The following GAK variants were observed in gnomAD, a reference collection of about 807,000 sequenced individuals.
The protein encoded by GAK is cyclin-G-associated kinase.
GAK carries 79 observed loss-of-function variants against 143.9 expected under a neutral mutation model. The observed-to-expected ratio is 0.55, with a 90% CI of 0.46 to 0.66. The LOEUF is 0.66. Among genes scored for constraint, GAK ranks in the 30% least tolerant of loss-of-function variants. The pLI is 0.00. For missense variants in GAK, 1,693 were observed against 1,779.7 expected, an observed-to-expected ratio of 0.95 and a Z score of 0.88; for synonymous variants, 881 against 765.5, an observed-to-expected ratio of 1.15 and a Z score of -2.49.
At position 874,929 on chromosome 4, in the gene GAK, CAG is replaced by C. The variant is rs201232570; in HGVS notation, c.2054+1599_2054+1600del. 1.6e-4 allele frequency among the ~76,000 whole-genome samples: 25 copies of C among 152,320 alleles called. No individual in the cohort carries two copies. In the East Asian group the frequency reaches 4.6e-3, roughly 28 times the overall value. ...TGTCAGAAGATCTTTTCTACCAATT[CAG>C]AGTCTGTTCTGCTGTGCCTATTCCA... is the stretch of plus-strand genomic sequence containing the variant. On this transcript the variant is annotated intron_variant, in intron 18 of 27. Coordinates refer to ENST00000314167, the MANE Select transcript of GAK (RefSeq NM_005255.4).
chr4:928,924 C>G (rs1016385587), intron 1 of GAK, among the ~76,000 whole-genome samples: 1 of 152,180 alleles, frequency 6.6e-6, no homozygotes, highest in Middle Eastern at 3.4e-3. Context: ...TCACCACACC[C>G]GGCTAATTTT....
intron 24 of GAK, 46 bp from the exon 25 acceptor site, chr4:852,020 G>A: frequency 1.4e-6 from 2 of 1,466,644 alleles, no homozygotes; most frequent in African/African-American, 1.4e-5. Flanking sequence ...TGTCCATGAG[G>A]GGCAACTACT....
chr4:877,931 GCTC>G (rs1170121166), intron 15 of GAK, 122 bp from the exon 16 acceptor site: 2 of 728,988 alleles, frequency 2.7e-6, no homozygotes, highest in South Asian at 2.1e-5. Context: ...TGTTTTAGTT[GCTC>G]CTAACAAATC....
intron 17 of GAK, among the ~76,000 whole-genome samples, 159 bp from the exon 18 acceptor site, chr4:876,768 G>C (rs1259265047): frequency 2.0e-5 from 3 of 152,232 alleles, no homozygotes; most frequent in Non-Finnish European, 4.4e-5. Context: ...AGCGGGAGAG[G>C]GTCTGTGTGT....
At chr4:865,070 C>A (rs368332133) in intron 23 of GAK, 52 bp downstream of exon 23, 38 of 1,567,272 alleles carry the variant, frequency 2.4e-5, no homozygotes, top group Non-Finnish European at 3.2e-5. Context: ...TAGAGACGGG[C>A]CACAGCAGCT....
chr4:929,153 CCTGGGGGTGGGAGTAGG>C (rs1725288831), intron 1 of GAK, among the ~76,000 whole-genome samples: 1 of 152,130 alleles, frequency 6.6e-6, no homozygotes, highest in Non-Finnish European at 1.5e-5. Context: ...CACAAGTGGC[CCTGGGGGTGGGAGTAGG>C]CTGTGCCCTC....
At chr4:850,212 C>A (rs556136816) in intron 26 of GAK, 144 bp from the exon 27 acceptor site, 6 of 738,636 alleles carry the variant, frequency 8.1e-6, no homozygotes, top group South Asian at 2.0e-5. Flanking sequence ...TCCCACTGCA[C>A]GCCCTGCCCT....
At position 859,624 on chromosome 4, in the gene GAK, G is replaced by A. The variant is rs1446206965; in HGVS notation, c.3265C>T (p.Leu1089Phe). 6.3e-7 allele frequency: 1 copy of A among 1,598,956 alleles called. No homozygotes were observed. The highest frequency in any genetic ancestry group is 1.1e-5 in the South Asian group (1 of 90,738). ...NPDPFADLGDLSSGLQGSPAG... is the reference protein window; with the variant it reads ...NPDPFADLGDFSSGLQGSPAG... ...ACGTTACCTTGGAGGCCGGAGCTGAGGTCGCCAAGGTCAGCAAATGGGTCC... is the reference window on the plus strand; with the variant it reads ...ACGTTACCTTGGAGGCCGGAGCTGAAGTCGCCAAGGTCAGCAAATGGGTCC... Residue 1089 changes from leucine to phenylalanine, a missense_variant, in exon 24 of 28, where the codon CTC becomes TTC. Physicochemically the swap from Leu to Phe is conservative, Grantham distance 22. Around this residue, in one of 2 missense-constraint regions of GAK, gnomAD observed 822 missense variants for 788.7 expected, o/e 1.04. Transcript: ENST00000314167.
At chr4:922,331 A>G (rs1390828237) in intron 1 of GAK, among the ~76,000 whole-genome samples, 1 of 152,076 alleles carries the variant, frequency 6.6e-6, no homozygotes. Flanking sequence ...CCTGGGAAAC[A>G]TGGTGAAACC....
At chr4:905,247 C>T (rs1055262182) in intron 4 of GAK, among the ~76,000 whole-genome samples, 1 of 152,164 alleles carries the variant, frequency 6.6e-6, no homozygotes, top group Non-Finnish European at 1.5e-5. Flanking sequence ...CTTTTGTTTT[C>T]AATAAATTCC....
At chr4:902,599 A>AAAAAAAAAAAAC (rs1720099634) in intron 5 of GAK, among the ~76,000 whole-genome samples, 1 of 147,832 alleles carries the variant, frequency 6.8e-6, no homozygotes, top group East Asian at 2.0e-4. Context: ...ACTGACTCAA[A>AAAAAAAAAAAAC]AAAAAAAAAA....
Position 868,684 on chromosome 4 carries a change from C to T in GAK, c.2250G>A (p.Gly750=), listed in dbSNP as rs1165137992. Residue 750 remains glycine, a splice_region_variant and synonymous_variant, in exon 20 of 28, where the codon GGG becomes GGA. Coordinates refer to ENST00000314167, the MANE Select transcript of GAK (RefSeq NM_005255.4). ...EEQQDILSKF[G]KPELPRQPGS... ...CAGGCTGCCGGGGAAGCTCCGGCTT[C>T]CCTGCAGGAGAGGGAGGGCGTCAGG... 1.3e-6 allele frequency: 2 copies of T among 1,549,698 alleles called. No individual in the cohort carries two copies. Among genetic ancestry groups the T allele is most frequent in the Non-Finnish European group, 1.7e-6 (2 of 1,147,166 alleles).
At chr4:893,561 G>T in intron 8 of GAK, 72 bp from the exon 9 acceptor site, 1 of 1,121,530 alleles carries the variant, frequency 8.9e-7, no homozygotes. Context: ...ACTGGCAGAG[G>T]TCACAGACCA....
rs564463778 is a variant in GAK, at chr4:851,517, G to C, written c.3508+233C>G. 5.1e-6 allele frequency: 3 copies of C among 591,714 alleles called. No individual in the cohort carries two copies. The African/African-American group carries it at 5.6e-5, about 11-fold the overall frequency. The allele number at this position is 591,714 out of a possible 1,614,324, so 36.7% of individuals were successfully genotyped here. A position where few individuals can be genotyped will look rare whatever the true frequency, so the allele number is the denominator to read the frequency against. ...GGGAAGACAAGACAGGGTTGCAAAG[G>C]CCATTTGTTAAAAACAGGTCAAGAA... On this transcript the variant is annotated intron_variant, in intron 25 of 27. Transcript: ENST00000314167.
intron 4 of GAK, among the ~76,000 whole-genome samples, chr4:908,547 C>T (rs1346783390): frequency 6.6e-6 from 1 of 152,174 alleles, no homozygotes; most frequent in African/African-American, 2.4e-5. Flanking sequence ...CCTGTAATCC[C>T]AGTGCTACAG....
chr4:859,680 G>C lies in GAK; in HGVS notation c.3209C>G (p.Ser1070Cys), dbSNP rs1350148796. 1.2e-6 allele frequency: 2 copies of C among 1,601,328 alleles called. No individual in the cohort carries two copies. Among genetic ancestry groups the C allele is most frequent in the Non-Finnish European group, 8.6e-7 (1 of 1,169,442 alleles). ...SPGGQPAPCGSQASWTKSQNP... is the reference protein window; with the variant it reads ...SPGGQPAPCGCQASWTKSQNP... Reference sequence around the variant, plus strand: ...CTGAGACTTGGTCCAGCTGGCCTGAGAGCCACAAGGGGCCGGCTGACCTCC... The same window carrying C: ...CTGAGACTTGGTCCAGCTGGCCTGACAGCCACAAGGGGCCGGCTGACCTCC... The change falls in exon 24 of 28, where the codon TCT becomes TGT. Residue 1070 changes from serine (S) to cysteine (C), a missense_variant. Physicochemically the swap from Ser to Cys is moderately radical, Grantham distance 112. This residue lies in a region of GAK where 822 missense variants were observed against 788.7 expected (regional missense o/e 1.04). Transcript: ENST00000314167.
intron 4 of GAK, among the ~76,000 whole-genome samples, chr4:908,498 A>C (rs1451414683): frequency 2.0e-5 from 3 of 152,136 alleles, no homozygotes; most frequent in Admixed American, 6.5e-5. Context: ...CACCATCTCT[A>C]CAAAAAATAC....
rs540818773 is a variant in GAK, at chr4:854,451, G to A, written c.3284-2477C>T. ...GGTGTGGTTTGGGTGGCGAGTCTAC[G>A]AACTCTGCCCAGCCCCAGGCCACAA... On this transcript the variant is annotated intron_variant, in intron 24 of 27. Coordinates refer to ENST00000314167, the MANE Select transcript of GAK (RefSeq NM_005255.4). Among the ~76,000 whole-genome samples the A allele has an allele frequency of 8.5e-5, 13 of 152,262 alleles. No homozygotes were observed. In the East Asian group the frequency reaches 1.5e-3, roughly 18 times the overall value.
intron 4 of GAK, among the ~76,000 whole-genome samples, chr4:908,518 C>G (rs1404387077): frequency 6.6e-6 from 1 of 152,132 alleles, no homozygotes; most frequent in African/African-American, 2.4e-5. Context: ...CAAAACTTAG[C>G]CAGGCACAGG....
Sources: gnomAD v4.1 joint callset for allele counts (sites outside exome capture counted in the v4.1 genomes callset) on GRCh38, gnomAD v4.1.1 for gene constraint, gnomAD v4.1.1 regional missense constraint, MANE v1.5 for transcripts, NCBI Gene and HGNC (gene_info 2026-07-23, HGNC 2026-07-21) for gene names.